Variants in ROR1 observed in about 807,000 individuals in gnomAD.
ROR1 encodes the protein inactive tyrosine-protein kinase transmembrane receptor ROR1.
In ROR1, 19 loss-of-function variants were observed where a neutral mutation model predicts 78.8. The ratio of observed to expected loss-of-function variants is 0.24; its 90% CI spans 0.17 to 0.35. The LOEUF (loss-of-function observed/expected upper bound fraction) is 0.35, where lower values mean the gene tolerates loss of function less well. Ranked by LOEUF, ROR1 falls within the 10% of genes least tolerant of loss-of-function variation. The probability of loss-of-function intolerance (pLI) is 1.00; values close to 1 mark genes in which losing one functional copy is unlikely to be tolerated. For missense variants in ROR1, 917 were observed against 1,177.8 expected (o/e 0.78, Z 3.24); for synonymous variants, 386 against 433.6 (o/e 0.89, Z 1.36).
intron 1 of ROR1, among the ~76,000 whole-genome samples, chr1:63,830,807 A>G (rs578159936): frequency 1.3e-5 from 2 of 152,336 alleles, no homozygotes; most frequent in Non-Finnish European, 2.9e-5. Context: ...CTCATCTGAG[A>G]CAAGGCAAGT....
intron 4 of ROR1, among the ~76,000 whole-genome samples, chr1:64,096,870 A>G (rs926312890): frequency 6.6e-6 from 1 of 150,616 alleles, no homozygotes; most frequent in African/African-American, 2.4e-5. Context: ...AACAGTGTAT[A>G]CGCATTCCTT....
At chr1:63,871,614 C>T (rs1188495910) in intron 1 of ROR1, among the ~76,000 whole-genome samples, 1 of 152,208 alleles carries the variant, frequency 6.6e-6, no homozygotes, top group Non-Finnish European at 1.5e-5. Context: ...CTTGGTAGAA[C>T]ATTTGCTCCA....
intron 4 of ROR1, among the ~76,000 whole-genome samples, chr1:64,062,834 G>A (rs1646927863): frequency 6.6e-6 from 1 of 152,066 alleles, no homozygotes; most frequent in African/African-American, 2.4e-5. Flanking sequence ...GATGTTAAAG[G>A]GTGGCTAAGC....
At chr1:63,934,705 A>G (rs868312768) in intron 1 of ROR1, among the ~76,000 whole-genome samples, 10 of 152,160 alleles carry the variant, frequency 6.6e-5, no homozygotes, top group Non-Finnish European at 1.3e-4. Context: ...TTTTTTAAAA[A>G]AGTATATTTT....
chr1:63,869,381 A>G (rs1024559101), intron 1 of ROR1, among the ~76,000 whole-genome samples: 2 of 152,208 alleles, frequency 1.3e-5, no homozygotes, highest in African/African-American at 2.4e-5. Context: ...CCTGCAGCTC[A>G]TTGTGACTGG....
chr1:64,060,149 C>G (rs780728682), intron 4 of ROR1, among the ~76,000 whole-genome samples: 1 of 151,966 alleles, frequency 6.6e-6, no homozygotes, highest in Non-Finnish European at 1.5e-5. Context: ...CCTGCAGAAT[C>G]AGTCTATAAA....
intron 2 of ROR1, among the ~76,000 whole-genome samples, chr1:64,018,057 G>A (rs1219580650): frequency 6.6e-6 from 1 of 152,010 alleles, no homozygotes; most frequent in Non-Finnish European, 1.5e-5. Flanking sequence ...TCCTCCTGTT[G>A]CACCCACTTC....
At chr1:63,936,955 C>A (rs536583084) in intron 1 of ROR1, among the ~76,000 whole-genome samples, 1 of 152,320 alleles carries the variant, frequency 6.6e-6, no homozygotes, top group East Asian at 1.9e-4. Flanking sequence ...AGCCAGTAGA[C>A]AACTTTATCT....
chr1:63,905,523 T>C (rs557120636), intron 1 of ROR1, among the ~76,000 whole-genome samples: 28 of 152,318 alleles, frequency 1.8e-4, no homozygotes, highest in African/African-American at 6.5e-4. Flanking sequence ...ACAAAGGGTA[T>C]ACAAGTTTAT....
At chr1:63,962,632 C>A (rs567533133) in intron 1 of ROR1, among the ~76,000 whole-genome samples, 1 of 152,160 alleles carries the variant, frequency 6.6e-6, no homozygotes, top group African/African-American at 2.4e-5. Flanking sequence ...GATGAGGGAG[C>A]GGGGAGAGTG....
chr1:63,843,125 C>T (rs904526665), intron 1 of ROR1: 30 of 684,314 alleles, frequency 4.4e-5, no homozygotes, highest in African/African-American at 1.3e-4. Flanking sequence ...AGGAAGGGGA[C>T]GGCCTGCAAC....
At chr1:63,937,314 TTCTGAATTGAGA>T (rs1251299466) in intron 1 of ROR1, among the ~76,000 whole-genome samples, 3 of 152,194 alleles carry the variant, frequency 2.0e-5, no homozygotes, top group African/African-American at 7.2e-5. Flanking sequence ...CCACTCCCTG[TTCTGAATTGAGA>T]TCTGAACTTC....
intron 4 of ROR1, among the ~76,000 whole-genome samples, chr1:64,129,266 A>G (rs1569821486): frequency 6.6e-6 from 1 of 152,180 alleles, no homozygotes; most frequent in Non-Finnish European, 1.5e-5. Context: ...CCTGAATTCC[A>G]TTTACCACTC....
intron 8 of ROR1, among the ~76,000 whole-genome samples, chr1:64,169,638 A>G (rs140272737): frequency 5.2e-4 from 79 of 152,242 alleles, no homozygotes; most frequent in African/African-American, 1.8e-3. Context: ...TCCCCTCCCA[A>G]AAGTCCCCCA....
intron 4 of ROR1, among the ~76,000 whole-genome samples, chr1:64,131,646 G>A (rs1456778954): frequency 6.6e-6 from 1 of 151,980 alleles, no homozygotes; most frequent in Non-Finnish European, 1.5e-5. Context: ...AGATGGTCTT[G>A]CTCTGTCACC....
intron 8 of ROR1, among the ~76,000 whole-genome samples, chr1:64,168,029 G>A (rs1164025110): frequency 2.0e-5 from 3 of 152,156 alleles, no homozygotes; most frequent in Non-Finnish European, 2.9e-5. Flanking sequence ...GCTTCTTTAG[G>A]CAGGCTACTT....
At chr1:63,899,026 C>G (rs1645464416) in intron 1 of ROR1, among the ~76,000 whole-genome samples, 1 of 152,100 alleles carries the variant, frequency 6.6e-6, no homozygotes, top group Non-Finnish European at 1.5e-5. Context: ...CCAAGAAGCA[C>G]CGGGACGGGC....
intron 1 of ROR1, among the ~76,000 whole-genome samples, chr1:63,776,265 G>C (rs1053550760): frequency 6.6e-6 from 1 of 152,182 alleles, no homozygotes; most frequent in Admixed American, 6.5e-5. Flanking sequence ...CATTGATTTT[G>C]CTCACTGTAA....
chr1:64,002,290 C>A (rs777857530), intron 1 of ROR1, among the ~76,000 whole-genome samples: 1 of 152,046 alleles, frequency 6.6e-6, no homozygotes, highest in Non-Finnish European at 1.5e-5. Context: ...TGCACCACCA[C>A]GCCCAGCTAA....
Sources: allele counts gnomAD v4.1 joint callset (sites outside exome capture counted in the v4.1 genomes callset), GRCh38; gene constraint gnomAD v4.1.1; transcripts MANE v1.5; gene names NCBI Gene and HGNC (gene_info 2026-07-23, HGNC 2026-07-21).